Variants in TESPA1 observed in about 807,000 individuals in gnomAD.
TESPA1 encodes the protein thymocyte expressed, positive selection associated 1.
In TESPA1, 33 loss-of-function variants were observed where a neutral mutation model predicts 57.9. That is an observed-to-expected ratio of 0.57 (90% CI 0.43 to 0.76). The LOEUF (loss-of-function observed/expected upper bound fraction) is 0.76, where lower values mean the gene tolerates loss of function less well. TESPA1 is among the 30% of genes least tolerant of loss of function. The probability of loss-of-function intolerance (pLI) is 0.00; values close to 1 mark genes in which losing one functional copy is unlikely to be tolerated. For missense variants in TESPA1, 618 were observed against 632.9 expected (o/e 0.98, Z 0.25); for synonymous variants, 227 against 228.9 (o/e 0.99, Z 0.07).
At chr12:54,969,770 T>C (rs1951707431) in intron 3 of TESPA1, among the ~76,000 whole-genome samples, 1 of 152,040 alleles carries the variant, frequency 6.6e-6, no homozygotes, top group East Asian at 1.9e-4. Flanking sequence ...CCCAAACATA[T>C]CTATGATGTT....
chr12:54,962,486 G>C lies in TESPA1; in HGVS notation c.1412C>G (p.Pro471Arg), dbSNP rs1228122392. 2.5e-6 allele frequency: 4 copies of C among 1,612,914 alleles called. No individual in the cohort carries two copies. Among genetic ancestry groups the C allele is most frequent in the African/African-American group, 2.7e-5 (2 of 74,872 alleles). ...CTGGCTTAAAGACCGACGCAGTTCT[G>C]GTCTGTCTACACTCTGCTTCCATTT... ...QQKWKQSVDR[P>R]ELRRSLSQQP... Residue 471 changes from proline to arginine, a missense_variant, in exon 9 of 11, where the codon CCA becomes CGA. Physicochemically the swap from Pro to Arg is moderately radical, Grantham distance 103. Transcript: ENST00000449076.
intron 1 of TESPA1, among the ~76,000 whole-genome samples, chr12:54,980,931 C>T (rs973779486): frequency 2.0e-5 from 3 of 152,104 alleles, no homozygotes; most frequent in Non-Finnish European, 4.4e-5. Flanking sequence ...CTTGGTAACA[C>T]TATCTTTTCT....
At position 54,962,649 on chromosome 12, in the gene TESPA1, G is replaced by T. The variant is rs1951161035; in HGVS notation, c.1249C>A (p.Pro417Thr). 6.2e-7 allele frequency: 1 copy of T among 1,613,944 alleles called. No individual in the cohort carries two copies. ...AQIRRELCSL[P>T]ATNTETHPAK... is the part of the protein sequence containing the mutation. ...GGATGGGTTTCCGTATTGGTGGCTG[G>T]TAGACTACACAGCTCTCTCCTTATC... Residue 417 changes from proline to threonine, a missense_variant, in exon 9 of 11, where the codon CCA (proline) becomes ACA (threonine). Pro to Thr is a conservative substitution (Grantham distance 38, BLOSUM62 -1). This residue lies in a region of TESPA1 where 409 missense variants were observed against 420.1 expected (regional missense o/e 0.97). Coordinates refer to ENST00000449076, the MANE Select transcript of TESPA1 (RefSeq NM_001136030.3).
Position 54,967,209 on chromosome 12 carries a change from T to C in TESPA1, c.284A>G (p.Glu95Gly). ...NGFCSHGTSF[E>G]DDLTLGAEAT... Reference sequence around the variant, plus strand: ...CTCCGCTCCCAGGGTCAAGTCATCTTCAAAGCTGGTCCCATGGCTGCAGAA... The same window carrying C: ...CTCCGCTCCCAGGGTCAAGTCATCTCCAAAGCTGGTCCCATGGCTGCAGAA... Residue 95 changes from glutamate to glycine, a missense_variant, in exon 5 of 11, where the codon GAA (glutamate) becomes GGA (glycine). Transcript: ENST00000449076. The C allele has an allele frequency of 6.2e-7, 1 of 1,613,048 alleles. No individual in the cohort carries two copies. Among genetic ancestry groups the C allele is most frequent in the Non-Finnish European group, 8.5e-7 (1 of 1,179,648 alleles).
intron 4 of TESPA1, 109 bp from the exon 5 acceptor site, chr12:54,967,345 T>C: frequency 8.1e-7 from 1 of 1,233,602 alleles, no homozygotes. Context: ...AGACTAGACT[T>C]GCACAACCAG....
chr12:54,968,532 C>A (rs144748232), intron 3 of TESPA1, among the ~76,000 whole-genome samples: 1 of 152,298 alleles, frequency 6.6e-6, no homozygotes, highest in East Asian at 1.9e-4. Flanking sequence ...GAAATTCTCT[C>A]TGTCCAAAAC....
At chr12:54,966,966 C>T (rs1032368232) in intron 5 of TESPA1, among the ~76,000 whole-genome samples, 11 of 152,004 alleles carry the variant, frequency 7.2e-5, no homozygotes, top group African/African-American at 2.4e-4. Flanking sequence ...CAGTGATGAA[C>T]CAGTAAGAGT....
intron 10 of TESPA1, among the ~76,000 whole-genome samples, chr12:54,950,750 C>A (rs2136000010): frequency 6.6e-6 from 1 of 152,266 alleles, no homozygotes. Context: ...ATTCAACTAG[C>A]AATGCATTTT....
chr12:54,961,922 C>T (rs1436491361), intron 9 of TESPA1, among the ~76,000 whole-genome samples: 1 of 152,110 alleles, frequency 6.6e-6, no homozygotes, highest in African/African-American at 2.4e-5. Flanking sequence ...TGGTATAGGA[C>T]AGGTCTGGGC....
intron 3 of TESPA1, among the ~76,000 whole-genome samples, chr12:54,970,927 C>T (rs1951792099): frequency 6.6e-6 from 1 of 152,208 alleles, no homozygotes; most frequent in African/African-American, 2.4e-5. Context: ...GCTCCCAACC[C>T]CACCTCTGGT....
intron 1 of TESPA1, among the ~76,000 whole-genome samples, chr12:54,979,079 C>T (rs1410193695): frequency 6.6e-6 from 1 of 152,194 alleles, no homozygotes; most frequent in East Asian, 1.9e-4. Context: ...TCCTAATGTA[C>T]ATTTTTGCAC....
chr12:54,961,328 T>G (rs1231006274), intron 9 of TESPA1, 61 bp from the exon 10 acceptor site: 5 of 1,591,370 alleles, frequency 3.1e-6, no homozygotes, highest in East Asian at 2.2e-5. Context: ...TAAGGAAAGG[T>G]GCAGGTGGCA....
intron 10 of TESPA1, among the ~76,000 whole-genome samples, chr12:54,955,763 T>C (rs552071357): frequency 6.6e-6 from 1 of 152,336 alleles, no homozygotes; most frequent in East Asian, 1.9e-4. Flanking sequence ...TGTGGAGTGA[T>C]TTCCTGGGGT....
rs547172494 is a variant in TESPA1 at position 54,965,948 on chromosome 12, G to T, written c.446+105C>A. 29 of 1,071,822 alleles carry T rather than the reference G, an allele frequency of 2.7e-5. No individual in the cohort carries two copies. The South Asian group carries it at 3.5e-4, about 13-fold the overall frequency. 66.4% of individuals were successfully genotyped at this position (1,071,822 alleles called of 1,614,324 possible). A position where few individuals can be genotyped will look rare whatever the true frequency, so the allele number is the denominator to read the frequency against. On this transcript the variant is annotated intron_variant, in intron 7 of 10. Transcript: ENST00000449076. ...AAGTATGCAGTAAAAGTGCATAAAA[G>T]CTCCAGTAAGATATCCCAGAAAAAA...
chr12:54,974,802 C>G (rs1158970410), intron 1 of TESPA1, among the ~76,000 whole-genome samples, 195 bp from the exon 2 acceptor site: 2 of 152,150 alleles, frequency 1.3e-5, no homozygotes, highest in East Asian at 3.8e-4. Context: ...ACTCTAAATA[C>G]CGGGATAAGT....
intron 1 of TESPA1, among the ~76,000 whole-genome samples, chr12:54,976,955 GT>G (rs1422667779): frequency 1.3e-5 from 2 of 151,446 alleles, no homozygotes; most frequent in African/African-American, 4.9e-5. Context: ...ATCTTCCTCA[GT>G]CTTTGCCACA....
chr12:54,974,069 C>T (rs1357689502), intron 2 of TESPA1: 2 of 319,640 alleles, frequency 6.3e-6, no homozygotes, highest in Non-Finnish European at 9.7e-6. Context: ...GTCCAGGCAT[C>T]CAGCTTGGGT....
At chr12:54,970,214 A>T (rs1368214547) in intron 3 of TESPA1, among the ~76,000 whole-genome samples, 1 of 152,230 alleles carries the variant, frequency 6.6e-6, no homozygotes, top group Non-Finnish European at 1.5e-5. Flanking sequence ...CTGGGGTTAC[A>T]GGCATGAGCC....
intron 10 of TESPA1, among the ~76,000 whole-genome samples, chr12:54,952,769 G>T (rs1480538873): frequency 6.6e-6 from 1 of 152,094 alleles, no homozygotes; most frequent in Non-Finnish European, 1.5e-5. Context: ...ATCTACATTT[G>T]CATGAGAGTC....
Sources: allele counts gnomAD v4.1 joint callset (sites outside exome capture counted in the v4.1 genomes callset), GRCh38; gene constraint gnomAD v4.1.1; regional missense constraint gnomAD v4.1.1; transcripts MANE v1.5; gene names NCBI Gene and HGNC (gene_info 2026-07-23, HGNC 2026-07-21).